C8orf34: variants seen among roughly 807,000 people sequenced by gnomAD.
C8orf34 encodes the protein uncharacterized protein C8orf34.
In C8orf34, 65 loss-of-function variants were observed where a neutral mutation model predicts 68.3. The observed-to-expected ratio is 0.95, with a 90% CI of 0.78 to 1.17. The LOEUF (loss-of-function observed/expected upper bound fraction) is 1.17, where lower values mean the gene tolerates loss of function less well. Among genes scored for constraint, C8orf34 ranks in the 50% most tolerant of loss-of-function variants. The probability of loss-of-function intolerance (pLI) is 0.00; values close to 1 mark genes in which losing one functional copy is unlikely to be tolerated. For synonymous variants in C8orf34, 244 were observed against 241.2 expected (o/e 1.01, Z -0.11); for missense variants, 664 against 655.4 (o/e 1.01, Z -0.14).
chr8:68,612,715 A>T lies in C8orf34; in HGVS notation c.1106-27661A>T, dbSNP rs144685389. Among the ~76,000 whole-genome samples, 5 of 152,288 alleles carry T rather than the reference A, an allele frequency of 3.3e-5. No individual in the cohort carries two copies. In the East Asian group the frequency reaches 7.7e-4, roughly 24 times the overall value. On this transcript the variant is annotated intron_variant, in intron 7 of 13. Transcript: ENST00000518698. Reference sequence around the variant, plus strand: ...CTGATTTTTAGAAAATAAAATATCAATGAAAACATGGACATATAGATCAAT... The same window carrying T: ...CTGATTTTTAGAAAATAAAATATCATTGAAAACATGGACATATAGATCAAT...
At chr8:68,526,460 A>G (rs1201700762) in intron 6 of C8orf34, among the ~76,000 whole-genome samples, 21 of 152,190 alleles carry the variant, frequency 1.4e-4, no homozygotes, top group Admixed American at 1.4e-3. Flanking sequence ...AAAGTGGAGG[A>G]GAATGATTTT....
intron 7 of C8orf34, among the ~76,000 whole-genome samples, chr8:68,596,380 A>G (rs1817547388): frequency 6.6e-6 from 1 of 152,138 alleles, no homozygotes; most frequent in South Asian, 2.1e-4. Context: ...GAACACATTT[A>G]CCTTTAGAAA....
At chr8:68,711,284 A>G (rs1163509147) in intron 9 of C8orf34, among the ~76,000 whole-genome samples, 2 of 152,194 alleles carry the variant, frequency 1.3e-5, no homozygotes, top group East Asian at 3.9e-4. Flanking sequence ...AAAAGATCAT[A>G]CGAGCTCACA....
At chr8:68,550,443 A>G (rs1031419341) in intron 7 of C8orf34, among the ~76,000 whole-genome samples, 6 of 151,876 alleles carry the variant, frequency 4.0e-5, no homozygotes, top group Admixed American at 3.3e-4. Flanking sequence ...ATACATATGC[A>G]TACACACATG....
At chr8:68,593,960 T>A (rs1256027537) in intron 7 of C8orf34, among the ~76,000 whole-genome samples, 1 of 152,138 alleles carries the variant, frequency 6.6e-6, no homozygotes, top group African/African-American at 2.4e-5. Context: ...TAGCTATTAT[T>A]TAAATTTCCC....
At chr8:68,675,312 TG>T (rs1820149626) in intron 8 of C8orf34, among the ~76,000 whole-genome samples, 1 of 152,092 alleles carries the variant, frequency 6.6e-6, no homozygotes, top group African/African-American at 2.4e-5. Flanking sequence ...ATTCATATCT[TG>T]AGTAGAAAAA....
chr8:68,679,145 G>A (rs2130869835), intron 8 of C8orf34, among the ~76,000 whole-genome samples: 1 of 152,100 alleles, frequency 6.6e-6, no homozygotes, highest in East Asian at 1.9e-4. Flanking sequence ...AAATTAGCCA[G>A]GCATGGTGGC....
At chr8:68,610,813 G>GA (rs993222620) in intron 7 of C8orf34, among the ~76,000 whole-genome samples, 1 of 144,802 alleles carries the variant, frequency 6.9e-6, no homozygotes, top group African/African-American at 2.6e-5. Context: ...GGATTAACTA[G>GA]AAAAAAAATT....
intron 1 of C8orf34, among the ~76,000 whole-genome samples, chr8:68,399,440 A>G (rs1266284523): frequency 6.6e-6 from 1 of 152,096 alleles, no homozygotes; most frequent in East Asian, 1.9e-4. Context: ...GAGTTGTTTC[A>G]CTGAAGATAA....
Position 68,468,710 on chromosome 8 carries a change from A to G in C8orf34, c.626A>G (p.His209Arg), listed in dbSNP as rs554947856. 1 of 1,612,766 alleles carries G rather than the reference A, an allele frequency of 6.2e-7. No homozygotes were observed. The highest frequency in any genetic ancestry group is 2.2e-5 in the East Asian group (1 of 44,826). The part of the protein sequence containing the change: ...DSKSLPRSVE[H>R]PKWNWRTKPQ... ...AACATAGTGCCAAGGTCAGTAGAGC[A>G]TCCAAAGTGGAACTGGAGGACTAAA... Residue 209 changes from histidine to arginine, a missense_variant, in exon 4 of 14, where the codon CAT becomes CGT. Coordinates refer to ENST00000518698, the MANE Select transcript of C8orf34 (RefSeq NM_052958.4).
chr8:68,710,203 C>T (rs191522881), intron 9 of C8orf34, among the ~76,000 whole-genome samples: 23 of 152,098 alleles, frequency 1.5e-4, no homozygotes, highest in Non-Finnish European at 2.5e-4. Context: ...CAAGAAGTAC[C>T]GCAGGAACAT....
At chr8:68,383,915 A>G (rs1056931258) in intron 1 of C8orf34, among the ~76,000 whole-genome samples, 14 of 152,098 alleles carry the variant, frequency 9.2e-5, no homozygotes, top group African/African-American at 3.1e-4. Context: ...TAATCTCCCT[A>G]ATAGGGTGGG....
At chr8:68,631,217 A>T (rs1462860192) in intron 7 of C8orf34, among the ~76,000 whole-genome samples, 1 of 151,890 alleles carries the variant, frequency 6.6e-6, no homozygotes, top group Non-Finnish European at 1.5e-5. Flanking sequence ...AGCCGAGATC[A>T]TGCCACTGCA....
intron 10 of C8orf34, among the ~76,000 whole-genome samples, chr8:68,763,940 C>T (rs1233426631): frequency 1.3e-5 from 2 of 152,164 alleles, no homozygotes; most frequent in African/African-American, 4.8e-5. Flanking sequence ...CTCTCTGGAG[C>T]CTGAATATGT....
At chr8:68,630,945 A>AT (rs36031699) in intron 7 of C8orf34, among the ~76,000 whole-genome samples, 39,249 of 118,294 alleles carry the variant, frequency 0.33, 7,344 homozygotes, top group Non-Finnish European at 0.41. Context: ...ATGCCCAGCT[A>AT]TTTTTTTTTT....
intron 5 of C8orf34, among the ~76,000 whole-genome samples, chr8:68,508,115 C>T (rs1814105374): frequency 6.6e-6 from 1 of 152,170 alleles, no homozygotes; most frequent in Non-Finnish European, 1.5e-5. Context: ...CTCATCCAGA[C>T]TCTTAATGTT....
chr8:68,501,889 G>A (rs1813788622), intron 5 of C8orf34, among the ~76,000 whole-genome samples: 2 of 152,132 alleles, frequency 1.3e-5, no homozygotes, highest in South Asian at 2.1e-4. Context: ...GGTACAAAGG[G>A]TAGAAGGGAA....
chr8:68,790,998 T>C (rs1011558039), intron 12 of C8orf34: 9 of 607,090 alleles, frequency 1.5e-5, no homozygotes, highest in Non-Finnish European at 2.3e-5. Flanking sequence ...TAGGCTTCTT[T>C]CCTCATCTAT....
chr8:68,622,684 G>C (rs1457899918), intron 7 of C8orf34, among the ~76,000 whole-genome samples: 1 of 152,176 alleles, frequency 6.6e-6, no homozygotes, highest in Non-Finnish European at 1.5e-5. Flanking sequence ...TGCGTAAACA[G>C]AGTGAGATCA....
Sources: allele counts gnomAD v4.1 joint callset (sites outside exome capture counted in the v4.1 genomes callset), GRCh38; gene constraint gnomAD v4.1.1; transcripts MANE v1.5; gene names NCBI Gene and HGNC (gene_info 2026-07-23, HGNC 2026-07-21).